The following VWA7 variants were observed in gnomAD, a reference collection of about 807,000 sequenced individuals.
VWA7 encodes the protein von Willebrand factor A domain-containing protein 7.
In VWA7, 66 loss-of-function variants were observed where a neutral mutation model predicts 83.1. The ratio of observed to expected loss-of-function variants is 0.79; its 90% confidence interval spans 0.65 to 0.98. The LOEUF (loss-of-function observed/expected upper bound fraction) is 0.98. VWA7 is among the 50% of genes least tolerant of loss of function. VWA7 has a pLI of 0.00. For missense variants in VWA7, 1,080 were observed against 1,160.2 expected (o/e 0.93, Z 1.00); for synonymous variants, 424 against 488.5 (o/e 0.87, Z 1.74).
chr6:31,766,903 G>C lies in VWA7; in HGVS notation c.1883-139C>G. On this transcript the variant is annotated intron_variant, in intron 13 of 16. Coordinates refer to ENST00000375688, the MANE Select transcript of VWA7 (RefSeq NM_025258.3). The surrounding 1 kb of genome is among the most constrained non-coding windows in gnomAD (Gnocchi z 4.9). ...GTTACCTTCGAGGGGTATTGATGGGGAGCATCAGGAGGGAGTTCTGGGGTG... is the reference window on the plus strand; with the variant it reads ...GTTACCTTCGAGGGGTATTGATGGGCAGCATCAGGAGGGAGTTCTGGGGTG... 1.1e-6 allele frequency: 1 copy of C among 909,996 alleles called. No individual in the cohort carries two copies. Among genetic ancestry groups the C allele is most frequent in the Non-Finnish European group, 1.6e-6 (1 of 622,682 alleles). The allele number at this position is 909,996 out of a possible 1,614,324, so 56.4% of individuals were successfully genotyped here.
chr6:31,765,946 T>C lies in VWA7; in HGVS notation c.2436A>G (p.Glu812=). ...VMVTVTAGGR[E]ANPVPPTHAF... ...CATGAGTCGGGGGTACTGGGTTGGC[T>C]TCTCGTCCCCCTGCAGTCACAGTCA... Residue 812 remains glutamate (E), a synonymous_variant, in exon 16 of 17, where the codon GAA becomes GAG. Coordinates refer to ENST00000375688, the MANE Select transcript of VWA7 (RefSeq NM_025258.3). 1.9e-6 allele frequency: 3 copies of C among 1,613,112 alleles called. No homozygotes were observed. The highest frequency in any genetic ancestry group is 2.5e-6 in the Non-Finnish European group (3 of 1,180,028).
Position 31,776,340 on chromosome 6 carries a change from G to A in VWA7, c.235-98C>T. 1 of 1,495,486 alleles carries A rather than the reference G, an allele frequency of 6.7e-7. No individual in the cohort carries two copies. The highest frequency in any genetic ancestry group is 9.0e-7 in the Non-Finnish European group (1 of 1,113,482). The allele number at this position is 1,495,486 out of a possible 1,614,324, so 92.6% of individuals were successfully genotyped here. On this transcript the variant is annotated intron_variant, in intron 2 of 16. Coordinates refer to ENST00000375688, the MANE Select transcript of VWA7 (RefSeq NM_025258.3). This position sits in a 1 kb window ranked among gnomAD's most constrained non-coding sequence, Gnocchi z 6.2. ...ACTGACACTCAAGGCTGGGTATGAGGGTCCTGAGCCCCACAAAGGAGGGAC... is the reference window on the plus strand; with the variant it reads ...ACTGACACTCAAGGCTGGGTATGAGAGTCCTGAGCCCCACAAAGGAGGGAC...
In VWA7 at chr6:31,766,436, C is replaced by T. The variant is rs1301211631; in HGVS notation, c.2184+27G>A. On this transcript the variant is annotated intron_variant, in intron 14 of 16. Transcript: ENST00000375688. This position sits in a 1 kb window ranked among gnomAD's most constrained non-coding sequence, Gnocchi z 4.9. ...GGGCCGCTCTAACTCTCTCCAGCCC[C>T]AGCCGCACTTTCCCCTGGCGTCTCA... The T allele has an allele frequency of 1.9e-6, 3 of 1,575,368 alleles. No individual in the cohort carries two copies. Among genetic ancestry groups the T allele is most frequent in the Non-Finnish European group, 2.6e-6 (3 of 1,160,258 alleles).
chr6:31,766,203 G>T lies in VWA7; in HGVS notation c.2324+42C>A, dbSNP rs758520477. The T allele has an allele frequency of 2.5e-6, 4 of 1,606,338 alleles. No homozygotes were observed. The South Asian group carries it at 4.4e-5, about 18-fold the overall frequency. ...GCAGGGCTTGGGATAAGCATTGGCC[G>T]GGCAAGATGCCAGAGGGAGCTGGAG... is the stretch of plus-strand genomic sequence containing the variant. On this transcript the variant is annotated intron_variant, in intron 15 of 16. Coordinates refer to ENST00000375688, the MANE Select transcript of VWA7 (RefSeq NM_025258.3). This position sits in a 1 kb window ranked among gnomAD's most constrained non-coding sequence, Gnocchi z 4.9.
rs1812675820 is a variant in VWA7 at position 31,776,222 on chromosome 6, A to C, written c.255T>G (p.Asp85Glu). ...GTCCAAAGTAGGCGGCAAAGAGGTC[A>C]TCAGCAAGGAGTGTTCGACCCTGGG... ...EDFLGRTLLA[D>E]DLFAAYFGPG... The change falls in exon 3 of 17, where the codon GAT (aspartate) becomes GAG (glutamate). Residue 85 changes from aspartate (D) to glutamate (E), a missense_variant. Asp to Glu is a conservative substitution (Grantham distance 45). Coordinates refer to ENST00000375688, the MANE Select transcript of VWA7 (RefSeq NM_025258.3). This position sits in a 1 kb window ranked among gnomAD's most constrained non-coding sequence, Gnocchi z 6.2. The C allele has an allele frequency of 2.5e-6, 4 of 1,613,784 alleles. No homozygotes were observed. The highest frequency in any genetic ancestry group is 1.3e-5 in the African/African-American group (1 of 74,902).
In VWA7 at chr6:31,776,790, T is replaced by C; in HGVS notation, c.-11A>G. 1 of 1,376,312 alleles carries C rather than the reference T, an allele frequency of 7.3e-7. No individual in the cohort carries two copies. The highest frequency in any genetic ancestry group is 9.5e-7 in the Non-Finnish European group (1 of 1,052,298). The allele number at this position is 1,376,312 out of a possible 1,614,324, so 85.3% of individuals were successfully genotyped here. The stretch of plus-strand genomic sequence containing the variant: ...CTCCGTGGGGAGCATGGCTGAGACA[T>C]GGACCTGGGAGACAGAAGGCTCTCA... On this transcript the variant is annotated 5_prime_UTR_variant, in exon 2 of 17. The change abolishes an upstream ATG in the 5' untranslated region. Transcript: ENST00000375688. The surrounding 1 kb of genome is among the most constrained non-coding windows in gnomAD (Gnocchi z 6.2).
chr6:31,774,698 T>C, intron 4 of VWA7, 72 bp from the exon 5 acceptor site: 1 of 1,290,492 alleles, frequency 7.7e-7, no homozygotes, highest in Non-Finnish European at 1.1e-6. Flanking sequence ...CACCCAAACC[T>C]TTTCAGCTTC....
Position 31,775,992 on chromosome 6 carries a change from C to A in VWA7, c.485G>T (p.Arg162Leu), listed in dbSNP as rs755504301. 1.2e-6 allele frequency: 2 copies of A among 1,612,006 alleles called. No individual in the cohort carries two copies. Among genetic ancestry groups the A allele is most frequent in the South Asian group, 1.1e-5 (1 of 90,976 alleles). The change falls in exon 3 of 17, where the codon CGC (arginine) becomes CTC (leucine). Residue 162 changes from arginine (R) to leucine (L), a missense_variant. Transcript: ENST00000375688. This position sits in a 1 kb window ranked among gnomAD's most constrained non-coding sequence, Gnocchi z 5.9. Reference sequence around the variant, plus strand: ...CAGGGCATGAAGTGCAGCCCCGAGGCGCTGGCGAGCCAGGGTGTGGTCAAG... The same window carrying A: ...CAGGGCATGAAGTGCAGCCCCGAGGAGCTGGCGAGCCAGGGTGTGGTCAAG... ...RALDHTLARQ[R>L]LGAALHALQD... is the part of the protein sequence containing the mutation.
chr6:31,767,749 A>T lies in VWA7; in HGVS notation c.1509T>A (p.Thr503=). ...IVGESMAALV[T]LPLDPPVVVP... is the part of the protein sequence containing the mutation. ...CCACAACAGGAGGGTCCAGGGGAAG[A>T]GTCACCTTGAGGGATTGGCAGGACC... The change falls in exon 11 of 17, where the codon ACT becomes ACA. Residue 503 remains threonine (T), a synonymous_variant. Transcript: ENST00000375688. 1 of 1,604,378 alleles carries T rather than the reference A, an allele frequency of 6.2e-7. No individual in the cohort carries two copies. The highest frequency in any genetic ancestry group is 1.3e-5 in the African/African-American group (1 of 74,892).
chr6:31,769,950 G>A lies in VWA7; in HGVS notation c.1200+51C>T. The A allele has an allele frequency of 6.4e-7, 1 of 1,573,850 alleles. No individual in the cohort carries two copies. Among genetic ancestry groups the A allele is most frequent in the East Asian group, 2.2e-5 (1 of 44,628 alleles). On this transcript the variant is annotated intron_variant, in intron 8 of 16. Transcript: ENST00000375688. The surrounding 1 kb of genome is among the most constrained non-coding windows in gnomAD (Gnocchi z 4.5). ...GGTGGGGAGCCCCAGGAGGGATCTAGCTCCCCCTGGTGGTGGGGCCAGGAA... is the reference window on the plus strand; with the variant it reads ...GGTGGGGAGCCCCAGGAGGGATCTAACTCCCCCTGGTGGTGGGGCCAGGAA...
rs1812709229 is a variant in VWA7, at chr6:31,776,605, G to A, written c.175C>T (p.Gln59Ter). Residue 59 changes from glutamine (Q) to a stop codon, truncating the protein, a stop_gained, in exon 2 of 17, where the codon CAG becomes TAG. Coordinates refer to ENST00000375688, the MANE Select transcript of VWA7 (RefSeq NM_025258.3). LOFTEE classifies it high-confidence loss of function. The surrounding 1 kb of genome is among the most constrained non-coding windows in gnomAD (Gnocchi z 6.2). ...GGGGGTGGCTGCTCCAGGAAGAGCT[G>A]CAGGGTGACGTTGAGCGCTGCCTCC... is the stretch of plus-strand genomic sequence containing the variant. ...TEEAALNVTLQLFLEQPPPGR... is the reference protein window; with the variant it reads ...TEEAALNVTL 1 of 1,549,566 alleles carries A rather than the reference G, an allele frequency of 6.5e-7. No homozygotes were observed. Among genetic ancestry groups the A allele is most frequent in the Non-Finnish European group, 8.7e-7 (1 of 1,146,502 alleles).
Position 31,776,538 on chromosome 6 carries a change from A to T in VWA7, c.234+8T>A. 1 of 1,541,522 alleles carries T rather than the reference A, an allele frequency of 6.5e-7. No individual in the cohort carries two copies. Among genetic ancestry groups the T allele is most frequent in the South Asian group, 1.2e-5 (1 of 83,272 alleles). ...GGCAGGGGTGTGACAGGACCCTGGG[A>T]TGCTCACCAGGAAGTCCTCAAGACG... On this transcript the variant is annotated splice_region_variant and intron_variant, in intron 2 of 16. Coordinates refer to ENST00000375688, the MANE Select transcript of VWA7 (RefSeq NM_025258.3). This position sits in a 1 kb window ranked among gnomAD's most constrained non-coding sequence, Gnocchi z 6.2.
rs901867910 is a variant in VWA7 at position 31,776,312 on chromosome 6, G to A, written c.235-70C>T. 5.8e-6 allele frequency: 9 copies of A among 1,554,714 alleles called. No homozygotes were observed. The highest frequency in any genetic ancestry group is 7.8e-6 in the Non-Finnish European group (9 of 1,149,778). On this transcript the variant is annotated intron_variant, in intron 2 of 16. Transcript: ENST00000375688. This position sits in a 1 kb window ranked among gnomAD's most constrained non-coding sequence, Gnocchi z 6.2. ...ATTGACTGTTGCCCACCTTATCTCA[G>A]CAACTGACACTCAAGGCTGGGTATG...
At position 31,770,043 on chromosome 6, in the gene VWA7, C is replaced by A. The variant is rs571937790; in HGVS notation, c.1158G>T (p.Leu386Phe). ...ACATCTCAGGCTCGTCTCCACCCCC[C>A]AAGGCATGGATCTCATTAAGCTGTT... ...FWQQLNEIHA[L>F]GGGDEPEMCL... Residue 386 changes from leucine (L) to phenylalanine (F), a missense_variant, in exon 8 of 17, where the codon TTG becomes TTT. Coordinates refer to ENST00000375688, the MANE Select transcript of VWA7 (RefSeq NM_025258.3). The A allele has an allele frequency of 2.2e-5, 36 of 1,612,854 alleles. No individual in the cohort carries two copies. Among genetic ancestry groups the A allele is most frequent in the Middle Eastern group, 1.6e-4 (1 of 6,062 alleles).
chr6:31,768,124 T>G (rs1581593056), intron 10 of VWA7, among the ~76,000 whole-genome samples: 1 of 110,198 alleles, frequency 9.1e-6, no homozygotes, highest in Non-Finnish European at 1.7e-5. Flanking sequence ...TGGGCGACAG[T>G]GCAAGACTCT....
chr6:31,770,422 C>CCTCCCCAGTAGCCTCCCCAGAGG (rs1372436168), intron 7 of VWA7, among the ~76,000 whole-genome samples: 1 of 150,730 alleles, frequency 6.6e-6, no homozygotes, highest in Non-Finnish European at 1.5e-5. Context: ...ATGCCCGTAG[C>CCTCCCCAGTAGCCTCCCCAGAGG]CTCCCCAGTA....
In VWA7 at chr6:31,776,758, G is replaced by A; in HGVS notation, c.22C>T (p.Gln8Ter). 1 of 1,450,508 alleles carries A rather than the reference G, an allele frequency of 6.9e-7. No homozygotes were observed. The highest frequency in any genetic ancestry group is 9.1e-7 in the Non-Finnish European group (1 of 1,095,518). The allele number at this position is 1,450,508 out of a possible 1,614,324, so 89.9% of individuals were successfully genotyped here. A position where few individuals can be genotyped will look rare whatever the true frequency, so the allele number is the denominator to read the frequency against. MLPTEVP[Q>*]SHPGPSALLL... ...AACGCTGAGGGGCCCGGGTGGGATTGGGGGACCTCCGTGGGGAGCATGGCT... is the reference window on the plus strand; with the variant it reads ...AACGCTGAGGGGCCCGGGTGGGATTAGGGGACCTCCGTGGGGAGCATGGCT... Residue 8 changes from glutamine (Q) to a stop codon, truncating the protein, a stop_gained, in exon 2 of 17, where the codon CAA becomes TAA. Transcript: ENST00000375688. LOFTEE classifies it high-confidence loss of function. This position sits in a 1 kb window ranked among gnomAD's most constrained non-coding sequence, Gnocchi z 6.2.
In VWA7 at chr6:31,776,448, G is replaced by A. The variant is rs1812697146; in HGVS notation, c.234+98C>T. 21 of 1,263,050 alleles carry A rather than the reference G, an allele frequency of 1.7e-5. No homozygotes were observed. The South Asian group carries it at 3.2e-4, about 19-fold the overall frequency. 78.2% of individuals were successfully genotyped at this position (1,263,050 alleles called of 1,614,324 possible). On this transcript the variant is annotated intron_variant, in intron 2 of 16. Coordinates refer to ENST00000375688, the MANE Select transcript of VWA7 (RefSeq NM_025258.3). The surrounding 1 kb of genome is among the most constrained non-coding windows in gnomAD (Gnocchi z 6.2). ...ATTATTGCTGCAGGGGTGGGGCCAT[G>A]GGTGTCTCTTCTCTTGGCAACCAGA...
chr6:31,768,865 G>A (rs759020891), intron 10 of VWA7, among the ~76,000 whole-genome samples, 153 bp downstream of exon 10: 2 of 151,834 alleles, frequency 1.3e-5, no homozygotes, highest in Non-Finnish European at 2.9e-5. Context: ...GAAGTGGCTA[G>A]TCATGGATCT....
Sources: gnomAD v4.1 joint callset for allele counts (sites outside exome capture counted in the v4.1 genomes callset) on GRCh38, gnomAD v4.1.1 for gene constraint, Gnocchi (gnomAD v3.1) non-coding constraint, MANE v1.5 for transcripts, NCBI Gene and HGNC (gene_info 2026-07-23, HGNC 2026-07-21) for gene names.